The following SLCO6A1 variants were observed in gnomAD, a reference collection of about 807,000 sequenced individuals.
SLCO6A1 encodes the protein cancer/testis antigen 48.
SLCO6A1 carries 65 observed loss-of-function variants against 72.7 expected under a neutral mutation model. The ratio of observed to expected loss-of-function variants is 0.89; its 90% CI spans 0.73 to 1.10. SLCO6A1 has a LOEUF of 1.10. SLCO6A1 is among the 50% of genes least tolerant of loss of function. The pLI is 0.00. For missense variants in SLCO6A1, 874 were observed against 872.6 expected, an observed-to-expected ratio of 1.00 and a Z score of -0.02; for synonymous variants, 314 against 298.2, an observed-to-expected ratio of 1.05 and a Z score of -0.55.
chr5:102,438,301 T>G (rs889936437), intron 7 of SLCO6A1, among the ~76,000 whole-genome samples: 1 of 151,788 alleles, frequency 6.6e-6, no homozygotes, highest in Non-Finnish European at 1.5e-5. Context: ...TAGAAATAGG[T>G]GTATATAGAC....
intron 4 of SLCO6A1, among the ~76,000 whole-genome samples, chr5:102,462,955 C>A (rs1751118255): frequency 6.6e-6 from 1 of 152,036 alleles, no homozygotes; most frequent in Non-Finnish European, 1.5e-5. Flanking sequence ...TTCTGCACAG[C>A]AAAAGAAATA....
chr5:102,390,247 C>T (rs1459389626), intron 11 of SLCO6A1, among the ~76,000 whole-genome samples: 1 of 152,134 alleles, frequency 6.6e-6, no homozygotes, highest in Non-Finnish European at 1.5e-5. Context: ...TGACTGTTTC[C>T]TATGCTACCT....
chr5:102,491,638 G>A (rs577326749), intron 1 of SLCO6A1, among the ~76,000 whole-genome samples: 27 of 152,346 alleles, frequency 1.8e-4, no homozygotes, highest in African/African-American at 5.1e-4. Context: ...CGGTGGCTCC[G>A]AGTTCAGGGC....
At chr5:102,390,040 G>T (rs147088908) in intron 11 of SLCO6A1, among the ~76,000 whole-genome samples, 252 of 152,198 alleles carry the variant, frequency 1.7e-3, no homozygotes, top group African/African-American at 5.7e-3. Flanking sequence ...ACTGTGCCTA[G>T]CCGGGGTTAT....
At chr5:102,441,304 T>C (rs1749819366) in intron 6 of SLCO6A1, among the ~76,000 whole-genome samples, 1 of 152,198 alleles carries the variant, frequency 6.6e-6, no homozygotes, top group Non-Finnish European at 1.5e-5. Flanking sequence ...TTTTCACAAA[T>C]AGCCCAATTG....
chr5:102,477,741 A>G lies in SLCO6A1; in HGVS notation c.737T>C (p.Leu246Pro). The G allele has an allele frequency of 6.2e-7, 1 of 1,613,850 alleles. No individual in the cohort carries two copies. The highest frequency in any genetic ancestry group is 1.7e-5 in the Admixed American group (1 of 59,946). ...QTVQGIAGMP[L>P]YILGITFIDE... ...AATAAAGGTTATTCCAAGGATATAA[A>G]GAGGCATTCCTGCTATTCCCTGCAC... The change falls in exon 3 of 14, where the codon CTT becomes CCT. Residue 246 changes from leucine (L) to proline (P), a missense_variant. By Grantham distance (98) the Leu-to-Pro change is moderately conservative (BLOSUM62 -3). Transcript: ENST00000506729.
intron 6 of SLCO6A1, among the ~76,000 whole-genome samples, chr5:102,457,084 C>T (rs1750763331): frequency 6.6e-6 from 1 of 152,090 alleles, no homozygotes; most frequent in African/African-American, 2.4e-5. Flanking sequence ...TTCCTTACAC[C>T]TTATACAAAA....
chr5:102,481,840 G>C (rs1280952936), intron 1 of SLCO6A1, among the ~76,000 whole-genome samples: 2 of 152,062 alleles, frequency 1.3e-5, no homozygotes, highest in African/African-American at 4.8e-5. Flanking sequence ...AACCTGAATG[G>C]ATTTTTTTAA....
intron 1 of SLCO6A1, among the ~76,000 whole-genome samples, chr5:102,490,228 T>C (rs1333184047): frequency 6.6e-6 from 1 of 152,152 alleles, no homozygotes; most frequent in African/African-American, 2.4e-5. Context: ...TACTTCAAAA[T>C]AGCTATAAGA....
intron 6 of SLCO6A1, among the ~76,000 whole-genome samples, chr5:102,451,185 C>T (rs1580450571): frequency 6.6e-6 from 1 of 152,302 alleles, no homozygotes; most frequent in Non-Finnish European, 1.5e-5. Context: ...TCATTGCTCC[C>T]TATCGAGCCT....
chr5:102,441,142 T>A (rs1488913632), intron 6 of SLCO6A1, among the ~76,000 whole-genome samples: 2 of 152,220 alleles, frequency 1.3e-5, no homozygotes, highest in Admixed American at 6.5e-5. Flanking sequence ...GAATTCATAT[T>A]TAATATTATT....
At chr5:102,400,423 A>G (rs1747334300) in intron 9 of SLCO6A1, among the ~76,000 whole-genome samples, 2 of 152,056 alleles carry the variant, frequency 1.3e-5, no homozygotes, top group African/African-American at 2.4e-5. Context: ...TAGTGAAGAA[A>G]AGAGAGCACG....
At chr5:102,486,171 A>T (rs139684487) in intron 1 of SLCO6A1, among the ~76,000 whole-genome samples, 2,430 of 152,312 alleles carry the variant, frequency 0.016, 28 homozygotes, top group South Asian at 0.046. Context: ...TTTACAAAGT[A>T]TAAATTTGCC....
chr5:102,477,963 A>G, intron 2 of SLCO6A1, 102 bp from the exon 3 acceptor site: 1 of 1,158,274 alleles, frequency 8.6e-7, no homozygotes, highest in Non-Finnish European at 1.2e-6. Context: ...TTCCAAAATT[A>G]TGCTTTTTTC....
chr5:102,384,224 G>A (rs991549369), intron 12 of SLCO6A1, among the ~76,000 whole-genome samples: 1 of 151,446 alleles, frequency 6.6e-6, no homozygotes, highest in Non-Finnish European at 1.5e-5. Flanking sequence ...TGCTGACTTT[G>A]GGCTTAGTTT....
intron 9 of SLCO6A1, among the ~76,000 whole-genome samples, chr5:102,411,531 C>G (rs1348532034): frequency 6.6e-6 from 1 of 151,922 alleles, no homozygotes; most frequent in Non-Finnish European, 1.5e-5. Flanking sequence ...TCCCAAAGTG[C>G]TGGGATTATA....
At chr5:102,412,760 CA>C (rs1748055731) in intron 9 of SLCO6A1, among the ~76,000 whole-genome samples, 1 of 138,602 alleles carries the variant, frequency 7.2e-6, no homozygotes, top group African/African-American at 2.7e-5. Flanking sequence ...GATCTTGTCT[CA>C]AAAAATAAAC....
chr5:102,480,543 T>C (rs964531409), intron 1 of SLCO6A1, 109 bp from the exon 2 acceptor site: 1 of 1,081,506 alleles, frequency 9.2e-7, no homozygotes, highest in Non-Finnish European at 1.3e-6. Flanking sequence ...TTTTAAATTA[T>C]TCTGAATGTT....
At chr5:102,372,867 G>T (rs1455788216) in intron 13 of SLCO6A1, among the ~76,000 whole-genome samples, 2 of 151,658 alleles carry the variant, frequency 1.3e-5, no homozygotes, top group Admixed American at 6.6e-5. Context: ...ATTTTTAAAA[G>T]GTTTAAAATA....
Sources: gnomAD v4.1 joint callset for allele counts (sites outside exome capture counted in the v4.1 genomes callset) on GRCh38, gnomAD v4.1.1 for gene constraint, MANE v1.5 for transcripts, NCBI Gene and HGNC (gene_info 2026-07-23, HGNC 2026-07-21) for gene names.